The following ZNF226 variants were observed in gnomAD, a reference collection of about 807,000 sequenced individuals.
ZNF226 encodes zinc finger protein 226.
ZNF226 carries 6 observed loss-of-function variants against 11.4 expected under a neutral mutation model. The ratio of observed to expected loss-of-function variants is 0.53; its 90% CI spans 0.29 to 1.04. The LOEUF (loss-of-function observed/expected upper bound fraction) is 1.04. Ranked by LOEUF, ZNF226 falls within the 50% of genes least tolerant of loss-of-function variation. ZNF226 has a pLI of 0.08. For missense variants in ZNF226, 1,058 were observed against 956.5 expected, an observed-to-expected ratio of 1.11 and a Z score of -1.40; for synonymous variants, 350 against 322.8, an observed-to-expected ratio of 1.08 and a Z score of -0.90.
In ZNF226 at chr19:44,177,546, AAG is replaced by A. The variant is rs775911243; in HGVS notation, c.2287_2288del (p.Ser763LeufsTer17). On this transcript the variant is annotated frameshift_variant, in exon 6 of 6. Coordinates refer to ENST00000337433, the MANE Select transcript of ZNF226 (RefSeq NM_001032373.2). LOFTEE classifies it low-confidence loss of function (END_TRUNC). ...ACCTTATAAATGTGAGATATGTGGT[AAG>A]AGCTTCAGTTGGCGATCAAATCTTA... ...EKPYKCEICG[K>X]SFSWRSNLTV... 6.2e-7 allele frequency: 1 copy of A among 1,614,122 alleles called. No homozygotes were observed. The highest frequency in any genetic ancestry group is 8.5e-7 in the Non-Finnish European group (1 of 1,179,964).
At chr19:44,198,395 C>T in the ZNF226 span, among the ~76,000 whole-genome samples, 2 of 152,122 alleles carry the variant, frequency 1.3e-5, no homozygotes, top group Non-Finnish European at 2.9e-5. Context: ...GATAGCTTTA[C>T]AACATTGAAT....
At chr19:44,199,415 G>C in the ZNF226 span, among the ~76,000 whole-genome samples, 2 of 152,092 alleles carry the variant, frequency 1.3e-5, no homozygotes, top group African/African-American at 4.8e-5. Flanking sequence ...CTCAGTGTTA[G>C]ATTTACATCA....
rs201632455 is a variant in ZNF226, at chr19:44,176,130, T to C, written c.868T>C (p.Cys290Arg). Residue 290 changes from cysteine (C) to arginine (R), a missense_variant, in exon 6 of 6, where the codon TGT becomes CGT. Transcript: ENST00000337433. The stretch of plus-strand genomic sequence containing the variant: ...ATGTGTTGAGCGTGGAAAAGGCTTC[T>C]GTTACAGCCCAGTTCTTCCTGTTCA... ...LTCVERGKGF[C>R]YSPVLPVHQK... 1 of 1,614,174 alleles carries C rather than the reference T, an allele frequency of 6.2e-7. No homozygotes were observed. Among genetic ancestry groups the C allele is most frequent in the East Asian group, 2.2e-5 (1 of 44,888 alleles).
the ZNF226 span, among the ~76,000 whole-genome samples, chr19:44,194,737 C>T: frequency 3.2e-4 from 48 of 152,282 alleles, no homozygotes; most frequent in African/African-American, 1.0e-3. Context: ...CTCTTTCATA[C>T]ATTTTGGTAG....
the ZNF226 span, among the ~76,000 whole-genome samples, chr19:44,194,193 T>C: frequency 6.6e-6 from 1 of 152,226 alleles, no homozygotes; most frequent in Non-Finnish European, 1.5e-5. Context: ...TATCCTTACA[T>C]GGGAGACGTT....
chr19:44,181,442 C>A (rs1424032583), downstream of ZNF226, among the ~76,000 whole-genome samples: 1 of 149,444 alleles, frequency 6.7e-6, no homozygotes, highest in Non-Finnish European at 1.5e-5. Flanking sequence ...TATTTTGAGC[C>A]TCCAGGAGAT....
the ZNF226 span, among the ~76,000 whole-genome samples, chr19:44,196,451 G>T: frequency 6.6e-6 from 1 of 152,150 alleles, no homozygotes; most frequent in Non-Finnish European, 1.5e-5. Flanking sequence ...CAAAAGTATG[G>T]ACTAACACTG....
rs758212263 is a variant in ZNF226, at chr19:44,176,743, A to C, written c.1481A>C (p.Gln494Pro). The change falls in exon 6 of 6, where the codon CAG (glutamine) becomes CCG (proline). Residue 494 changes from glutamine to proline, a missense_variant. By Grantham distance (76) the Gln-to-Pro change is moderately conservative. Coordinates refer to ENST00000337433, the MANE Select transcript of ZNF226 (RefSeq NM_001032373.2). ...CTGAGTTCAAATCTTCAAGCCCATC[A>C]GAGAGTCCACACTGGAGAGAAGCCA... ...FTLSSNLQAHQRVHTGEKPYK... is the reference protein window; with the variant it reads ...FTLSSNLQAHPRVHTGEKPYK... The C allele has an allele frequency of 3.1e-6, 5 of 1,614,098 alleles. No homozygotes were observed. In the East Asian group the frequency reaches 1.1e-4, roughly 36 times the overall value.
At chr19:44,186,583 C>CT in the ZNF226 span, among the ~76,000 whole-genome samples, 2 of 151,928 alleles carry the variant, frequency 1.3e-5, no homozygotes, top group African/African-American at 4.8e-5. Flanking sequence ...TTAGTTGTAG[C>CT]TTTTTTGTGT....
chr19:44,176,069 T>A lies in ZNF226; in HGVS notation c.807T>A (p.Leu269=). Residue 269 remains leucine, a synonymous_variant, in exon 6 of 6, where the codon CTT becomes CTA. Coordinates refer to ENST00000337433, the MANE Select transcript of ZNF226 (RefSeq NM_001032373.2). ...KPFSDLSSFD[L]HQQLQSGEKS... is the part of the protein sequence containing the mutation. The stretch of plus-strand genomic sequence containing the variant: ...TCAGTGATCTCTCCAGCTTTGATCT[T>A]CATCAGCAGTTACAATCAGGAGAGA... 6.2e-7 allele frequency: 1 copy of A among 1,614,178 alleles called. No individual in the cohort carries two copies. The highest frequency in any genetic ancestry group is 1.6e-4 in the Middle Eastern group (1 of 6,062).
At chr19:44,180,099 A>C (rs1168461099), downstream of ZNF226, among the ~76,000 whole-genome samples, 7 of 150,918 alleles carry the variant, frequency 4.6e-5, no homozygotes, top group South Asian at 2.1e-4. Context: ...AAAAAAAAAA[A>C]AAAAAAAAAA....
chr19:44,194,996 C>T, the ZNF226 span, among the ~76,000 whole-genome samples: 1 of 152,122 alleles, frequency 6.6e-6, no homozygotes, highest in Non-Finnish European at 1.5e-5. Context: ...AAATTTTAAG[C>T]CAGGCTTGCA....
downstream of ZNF226, among the ~76,000 whole-genome samples, chr19:44,182,578 C>A (rs148802710): frequency 6.6e-6 from 1 of 152,152 alleles, no homozygotes; most frequent in African/African-American, 2.4e-5. Context: ...CACTCTTTGC[C>A]AAGGACTTGA....
chr19:44,190,268 ATTAC>A, the ZNF226 span, among the ~76,000 whole-genome samples: 7 of 152,190 alleles, frequency 4.6e-5, no homozygotes, highest in East Asian at 1.9e-4. Flanking sequence ...AAGTTTATTT[ATTAC>A]TTAATAATTT....
intron 2 of ZNF226, chr19:44,167,719 A>G (rs1402484812): frequency 6.6e-6 from 1 of 152,208 alleles, no homozygotes; most frequent in African/African-American, 2.4e-5. Context: ...ACCAGTTGTT[A>G]CGTTTGTTTG....
At chr19:44,188,519 A>T in the ZNF226 span, among the ~76,000 whole-genome samples, 1 of 152,212 alleles carries the variant, frequency 6.6e-6, no homozygotes, top group East Asian at 1.9e-4. Flanking sequence ...AATAGCCCAG[A>T]GATGATTTAA....
Position 44,176,742 on chromosome 19 carries a change from C to T in ZNF226, c.1480C>T (p.Gln494Ter), listed in dbSNP as rs1363317310. The T allele has an allele frequency of 1.2e-6, 2 of 1,614,168 alleles. No individual in the cohort carries two copies. The highest frequency in any genetic ancestry group is 1.3e-5 in the African/African-American group (1 of 75,036). ...FTLSSNLQAH[Q>*]RVHTGEKPYK... ...TCTGAGTTCAAATCTTCAAGCCCATCAGAGAGTCCACACTGGAGAGAAGCC... is the reference window on the plus strand; with the variant it reads ...TCTGAGTTCAAATCTTCAAGCCCATTAGAGAGTCCACACTGGAGAGAAGCC... The change falls in exon 6 of 6, where the codon CAG (glutamine) becomes TAG (stop). Residue 494 changes from glutamine (Q) to a stop codon, truncating the protein, a stop_gained. Coordinates refer to ENST00000337433, the MANE Select transcript of ZNF226 (RefSeq NM_001032373.2). LOFTEE classifies it low-confidence loss of function (END_TRUNC).
At chr19:44,183,335 T>C (rs561924567), downstream of ZNF226, among the ~76,000 whole-genome samples, 2 of 152,194 alleles carry the variant, frequency 1.3e-5, no homozygotes, top group Non-Finnish European at 2.9e-5. Context: ...CCTCTGATTA[T>C]TTCCCAAGTT....
the ZNF226 span, among the ~76,000 whole-genome samples, chr19:44,193,143 T>C: frequency 6.6e-6 from 1 of 152,156 alleles, no homozygotes; most frequent in Non-Finnish European, 1.5e-5. Context: ...GGTTTATTAC[T>C]ATTTTTAGTA....
Sources: allele counts gnomAD v4.1 joint callset (sites outside exome capture counted in the v4.1 genomes callset), GRCh38; gene constraint gnomAD v4.1.1; transcripts MANE v1.5; gene names NCBI Gene and HGNC (gene_info 2026-07-23, HGNC 2026-07-21).